The following GIGYF1 variants were observed in gnomAD, a reference collection of about 807,000 sequenced individuals.
The protein encoded by GIGYF1 is GRB10 interacting GYF protein 1.
GIGYF1 carries 84 observed loss-of-function variants against 147.1 expected under a neutral mutation model. The observed-to-expected ratio is 0.57, with a 90% CI of 0.48 to 0.68. The LOEUF (loss-of-function observed/expected upper bound fraction) is 0.68. Ranked by LOEUF, GIGYF1 falls within the 30% of genes least tolerant of loss-of-function variation. GIGYF1 has a pLI of 0.00. For synonymous variants in GIGYF1, 752 were observed against 589.5 expected, an observed-to-expected ratio of 1.28 and a Z score of -3.99; for missense variants, 1,485 against 1,393.7, an observed-to-expected ratio of 1.07 and a Z score of -1.04.
rs775799575 is a variant in GIGYF1, at chr7:100,686,742, G to C, written c.601C>G (p.Leu201Val). ...TCCTCCTCCTCCTGTTCCTCCCGTA[G>C]GGAGCGCCAGTTCTCGCTGTCTGAG... ...ARSDSENWRS[L>V]REEQEEEEEG... Residue 201 changes from leucine (L) to valine (V), a missense_variant, in exon 10 of 27, where the codon CTA (leucine) becomes GTA (valine). Coordinates refer to ENST00000678049, the MANE Select transcript of GIGYF1 (RefSeq NM_001375765.1). 6.2e-7 allele frequency: 1 copy of C among 1,613,942 alleles called. No homozygotes were observed. Among genetic ancestry groups the C allele is most frequent in the South Asian group, 1.1e-5 (1 of 91,092 alleles).
rs569247361 is a variant in GIGYF1 at position 100,683,351 on chromosome 7, C to G, written c.2146G>C (p.Glu716Gln). Reference sequence around the variant, plus strand: ...TCCTCCTCCTGCCGCCGCTTCTGCTCCTCCTGCTGCTGCTGGCGGCGCTTC... The same window carrying G: ...TCCTCCTCCTGCCGCCGCTTCTGCTGCTCCTGCTGCTGCTGGCGGCGCTTC... ...EEKRRQQQQEEQKRRQEEEEL... is the reference protein window; with the variant it reads ...EEKRRQQQQEQQKRRQEEEEL... The change falls in exon 21 of 27, where the codon GAG becomes CAG. Residue 716 changes from glutamate to glutamine, a missense_variant. By Grantham distance (29) the Glu-to-Gln change is conservative. Transcript: ENST00000678049. The G allele has an allele frequency of 2.5e-6, 4 of 1,613,754 alleles. No homozygotes were observed. The highest frequency in any genetic ancestry group is 1.3e-5 in the African/African-American group (1 of 75,064).
Position 100,688,054 on chromosome 7 carries a change from A to C in GIGYF1, c.92T>G (p.Met31Arg). 1 of 1,602,890 alleles carries C rather than the reference A, an allele frequency of 6.2e-7. No individual in the cohort carries two copies. The highest frequency in any genetic ancestry group is 8.5e-7 in the Non-Finnish European group (1 of 1,170,198). Reference protein sequence around the residue: ...SVASPPPSPAMPKYKLADYRY... With the variant: ...SVASPPPSPARPKYKLADYRY... ...GTAGTCAGCCAGCTTGTATTTGGGC[A>C]TGGCAGGGGACGGGGGTGGGGAGGC... The change falls in exon 5 of 27, where the codon ATG (methionine) becomes AGG (arginine). Residue 31 changes from methionine to arginine, a missense_variant. By Grantham distance (91) the Met-to-Arg change is moderately conservative. Coordinates refer to ENST00000678049, the MANE Select transcript of GIGYF1 (RefSeq NM_001375765.1).
intron 1 of GIGYF1, among the ~76,000 whole-genome samples, chr7:100,690,141 A>G (rs1194443478): frequency 6.6e-6 from 1 of 152,266 alleles, no homozygotes; most frequent in Non-Finnish European, 1.5e-5. Flanking sequence ...TTTTACCACA[A>G]TAATCATTTT....
At position 100,683,537 on chromosome 7, in the gene GIGYF1, G is replaced by A. The variant is rs1805003980; in HGVS notation, c.2052+13C>T. 2 of 1,613,894 alleles carry A rather than the reference G, an allele frequency of 1.2e-6. No individual in the cohort carries two copies. The highest frequency in any genetic ancestry group is 2.2e-5 in the South Asian group (2 of 91,090). ...TTCATTCCCAGGGCCTCAGCCCCAG[G>A]ATGCCCACTCACTTTATGTTGCAGC... On this transcript the variant is annotated intron_variant, in intron 20 of 26. Transcript: ENST00000678049.
Position 100,688,271 on chromosome 7 carries a change from TGGGGA to T in GIGYF1, c.-38_-34del. 1.0e-6 allele frequency: 1 copy of T among 987,384 alleles called. No homozygotes were observed. Among genetic ancestry groups the T allele is most frequent in the Non-Finnish European group, 1.5e-6 (1 of 657,634 alleles). The allele number at this position is 987,384 out of a possible 1,614,324, so 61.2% of individuals were successfully genotyped here. A position where few individuals can be genotyped will look rare whatever the true frequency, so the allele number is the denominator to read the frequency against. On this transcript the variant is annotated 5_prime_UTR_variant, in exon 4 of 27. Transcript: ENST00000678049. Reference sequence around the variant, plus strand: ...CTGGGCGTGTTTGAGAGGCCGGGGGTGGGGAGGAGGGGACCTGGCGTTCACTGTCC... The same window carrying T: ...CTGGGCGTGTTTGAGAGGCCGGGGGTGGAGGGGACCTGGCGTTCACTGTCC...
chr7:100,689,868 A>C (rs1411280470), intron 1 of GIGYF1, among the ~76,000 whole-genome samples: 1 of 152,194 alleles, frequency 6.6e-6, no homozygotes, highest in Non-Finnish European at 1.5e-5. Context: ...CGCTAAGAGA[A>C]ACACACCAGC....
In GIGYF1 at chr7:100,684,035, G is replaced by T. The variant is rs575129939; in HGVS notation, c.1853C>A (p.Ala618Glu). ...CACCACGCACCTGGGGGGTTTGAGCGCCTGGAGCTGCTGCAGGAATGCCGT... is the reference window on the plus strand; with the variant it reads ...CACCACGCACCTGGGGGGTTTGAGCTCCTGGAGCTGCTGCAGGAATGCCGT... ...QLTAFLQQLQALKPPRGGDQN... is the reference protein window; with the variant it reads ...QLTAFLQQLQELKPPRGGDQN... The change falls in exon 18 of 27, where the codon GCG (alanine) becomes GAG (glutamate). Residue 618 changes from alanine to glutamate, a missense_variant. Physicochemically the swap from Ala to Glu is moderately radical, Grantham distance 107. Coordinates refer to ENST00000678049, the MANE Select transcript of GIGYF1 (RefSeq NM_001375765.1). 1.2e-6 allele frequency: 2 copies of T among 1,604,562 alleles called. No homozygotes were observed. Among genetic ancestry groups the T allele is most frequent in the East Asian group, 2.2e-5 (1 of 44,822 alleles).
chr7:100,693,508 G>A (rs1009279583), intron 1 of GIGYF1, among the ~76,000 whole-genome samples: 25 of 152,138 alleles, frequency 1.6e-4, no homozygotes, highest in Non-Finnish European at 5.9e-5. Context: ...GAGGTGAGGA[G>A]GACCCAGGCG....
At chr7:100,686,531 C>T in intron 10 of GIGYF1, 98 bp from the exon 11 acceptor site, 1 of 1,516,928 alleles carries the variant, frequency 6.6e-7, no homozygotes, top group South Asian at 1.3e-5. Context: ...GGCTGCTGTC[C>T]CGGCCACTCC....
At chr7:100,684,675 C>T (rs371191083) in intron 15 of GIGYF1, 48 bp downstream of exon 15, 18 of 1,611,774 alleles carry the variant, frequency 1.1e-5, no homozygotes, top group Non-Finnish European at 1.5e-5. Context: ...GCCAGAGACA[C>T]CCTGAACCAG....
Position 100,683,181 on chromosome 7 carries a change from ACCG to A in GIGYF1, c.2240_2242del (p.Ala747del). ...GGAGCTGGGTGCGGGGGGCACAGGG[ACCG>A]CCTGCTGCTGCTGTAGCAACTTCAG... On this transcript the variant is annotated inframe_deletion, in exon 22 of 27. Coordinates refer to ENST00000678049, the MANE Select transcript of GIGYF1 (RefSeq NM_001375765.1). The A allele has an allele frequency of 3.7e-6, 6 of 1,606,352 alleles. No individual in the cohort carries two copies. Among genetic ancestry groups the A allele is most frequent in the Non-Finnish European group, 5.1e-6 (6 of 1,179,334 alleles).
Position 100,681,942 on chromosome 7 carries a change from T to C in GIGYF1, c.2977A>G (p.Ser993Gly). Residue 993 changes from serine (S) to glycine (G), a missense_variant, in exon 26 of 27, where the codon AGC becomes GGC. Ser to Gly is a moderately conservative substitution (Grantham distance 56). Transcript: ENST00000678049. ...CCCTCCCCGGGGCCGAGTTTGGTGCTGTGGTTGGCCTGGAAGGCCGTCTGC... is the reference window on the plus strand; with the variant it reads ...CCCTCCCCGGGGCCGAGTTTGGTGCCGTGGTTGGCCTGGAAGGCCGTCTGC... ...SLQTAFQANH[S>G]TKLGPGEGSK... is the part of the protein sequence containing the mutation. The C allele has an allele frequency of 1.2e-6, 2 of 1,609,960 alleles. No individual in the cohort carries two copies. Among genetic ancestry groups the C allele is most frequent in the Non-Finnish European group, 8.5e-7 (1 of 1,179,938 alleles).
At position 100,683,342 on chromosome 7, in the gene GIGYF1, G is replaced by A. The variant is rs556905326; in HGVS notation, c.2155C>T (p.Arg719Trp). 6.8e-6 allele frequency: 11 copies of A among 1,613,722 alleles called. No individual in the cohort carries two copies. Among genetic ancestry groups the A allele is most frequent in the East Asian group, 2.2e-5 (1 of 44,888 alleles). Reference protein sequence around the residue: ...RRQQQQEEQKRRQEEEELFRR... With the variant: ...RRQQQQEEQKWRQEEEELFRR... ...AACAGCTCTTCCTCCTCCTGCCGCCGCTTCTGCTCCTCCTGCTGCTGCTGG... is the reference window on the plus strand; with the variant it reads ...AACAGCTCTTCCTCCTCCTGCCGCCACTTCTGCTCCTCCTGCTGCTGCTGG... Residue 719 changes from arginine (R) to tryptophan (W), a missense_variant, in exon 21 of 27, where the codon CGG becomes TGG. By Grantham distance (101) the Arg-to-Trp change is moderately radical. Transcript: ENST00000678049.
In GIGYF1 at chr7:100,684,525, G is replaced by A. The variant is rs748013098; in HGVS notation, c.1554C>T (p.Phe518=). 3.7e-6 allele frequency: 6 copies of A among 1,614,008 alleles called. No homozygotes were observed. The highest frequency in any genetic ancestry group is 1.1e-5 in the South Asian group (1 of 91,084). The change falls in exon 16 of 27, where the codon TTC becomes TTT. Residue 518 remains phenylalanine (F), a synonymous_variant. Transcript: ENST00000678049. ...TCTTGATCACCTCGCCCAGCGGCTG[G>A]AAGCCCTCATCGCAGCCCCGCTTCA... ...LLVKRGCDEG[F]QPLGEVIKMW... is the part of the protein sequence containing the mutation.
chr7:100,686,298 C>G lies in GIGYF1; in HGVS notation c.830G>C (p.Arg277Pro), dbSNP rs751155257. 9.3e-6 allele frequency: 15 copies of G among 1,614,068 alleles called. No individual in the cohort carries two copies. In the South Asian group the frequency reaches 1.3e-4, roughly 14 times the overall value. The change falls in exon 11 of 27, where the codon CGG becomes CCG. Residue 277 changes from arginine (R) to proline (P), a missense_variant. Transcript: ENST00000678049. ...CTCAAAGCCTTCAGGCGCTCGGCACCGCCGCAGGTGAGAGCTGCCTCCCCC... is the reference window on the plus strand; with the variant it reads ...CTCAAAGCCTTCAGGCGCTCGGCACGGCCGCAGGTGAGAGCTGCCTCCCCC... ...RGGGGSSHLR[R>P]CRAPEGFEED... is the part of the protein sequence containing the mutation.
chr7:100,686,443 A>T lies in GIGYF1; in HGVS notation c.695-10T>A. The T allele has an allele frequency of 1.9e-6, 3 of 1,576,484 alleles. No individual in the cohort carries two copies. The highest frequency in any genetic ancestry group is 2.6e-6 in the Non-Finnish European group (3 of 1,162,368). On this transcript the variant is annotated splice_polypyrimidine_tract_variant and intron_variant, in intron 10 of 26. Coordinates refer to ENST00000678049, the MANE Select transcript of GIGYF1 (RefSeq NM_001375765.1). The stretch of plus-strand genomic sequence containing the variant: ...GAGCGGGGACCACCATCTGCACAGG[A>T]AAAGTCAGGGAGAAGAAGAGTGGGT...
In GIGYF1 at chr7:100,688,186, G is replaced by A. The variant is rs748744639; in HGVS notation, c.35+18C>T. 3.8e-5 allele frequency: 61 copies of A among 1,611,638 alleles called. No homozygotes were observed. In the Middle Eastern group the frequency reaches 4.9e-4, roughly 13 times the overall value. On this transcript the variant is annotated intron_variant, in intron 4 of 26. Transcript: ENST00000678049. The stretch of plus-strand genomic sequence containing the variant: ...GCTTTCTCGAATCTCCACGGCAGCC[G>A]AGGCACAAGTGACTCACCACTCAGG...
At chr7:100,692,640 C>A (rs1411848765) in intron 1 of GIGYF1, among the ~76,000 whole-genome samples, 1 of 152,178 alleles carries the variant, frequency 6.6e-6, no homozygotes, top group Non-Finnish European at 1.5e-5. Context: ...CGCATCAGAT[C>A]ACGAACACAA....
Position 100,683,126 on chromosome 7 carries a change from C to T in GIGYF1, c.2298G>A (p.Lys766=). 1 of 1,594,758 alleles carries T rather than the reference C, an allele frequency of 6.3e-7. No individual in the cohort carries two copies. The highest frequency in any genetic ancestry group is 8.5e-7 in the Non-Finnish European group (1 of 1,174,986). ...SPPPLWAGLA[K]QGLSMKTLLE... is the part of the protein sequence containing the mutation. ...GGAGCGTCTTCATGGACAGCCCCTG[C>T]TTGGCCAGGCCAGCCCAGAGTGGGG... The change falls in exon 22 of 27, where the codon AAG becomes AAA. Residue 766 remains lysine, a synonymous_variant. Coordinates refer to ENST00000678049, the MANE Select transcript of GIGYF1 (RefSeq NM_001375765.1).
Sources: gnomAD v4.1 joint callset for allele counts (sites outside exome capture counted in the v4.1 genomes callset) on GRCh38, gnomAD v4.1.1 for gene constraint, MANE v1.5 for transcripts, NCBI Gene and HGNC (gene_info 2026-07-23, HGNC 2026-07-21) for gene names.